Variants in ESRRG observed in about 807,000 individuals in gnomAD.
ESRRG encodes the protein estrogen related receptor gamma, also known as estrogen-related receptor gamma.
A neutral mutation model predicts 44.0 loss-of-function variants in ESRRG; 13 were observed. That is an observed-to-expected ratio of 0.30 (90% CI 0.19 to 0.47). The LOEUF (loss-of-function observed/expected upper bound fraction) is 0.47. Among genes scored for constraint, ESRRG ranks in the 20% least tolerant of loss-of-function variants. The pLI, the probability that ESRRG is intolerant of heterozygous loss-of-function variation, is 1.00. For missense variants in ESRRG, 395 were observed against 580.6 expected (o/e 0.68, Z 3.29); for synonymous variants, 215 against 214.6 (o/e 1.00, Z -0.02).
intron 1 of ESRRG, among the ~76,000 whole-genome samples, chr1:216,943,246 T>C (rs907624839): frequency 2.0e-5 from 3 of 152,152 alleles, no homozygotes; most frequent in Admixed American, 6.5e-5. Context: ...AAAACAAATA[T>C]AGATAACTAA....
chr1:216,729,754 A>T (rs2088332674), intron 2 of ESRRG, among the ~76,000 whole-genome samples: 1 of 152,076 alleles, frequency 6.6e-6, no homozygotes, highest in Non-Finnish European at 1.5e-5. Context: ...CCTTTAAGAC[A>T]CTTCTTCCAC....
chr1:217,065,269 G>A (rs1580311219), intron 1 of ESRRG, among the ~76,000 whole-genome samples: 1 of 152,194 alleles, frequency 6.6e-6, no homozygotes, highest in African/African-American at 2.4e-5. Context: ...GTCTAGCTAT[G>A]ACAAACTTAA....
intron 3 of ESRRG, among the ~76,000 whole-genome samples, chr1:216,636,472 C>A (rs750284515): frequency 7.2e-5 from 11 of 152,144 alleles, no homozygotes; most frequent in Non-Finnish European, 1.5e-4. Flanking sequence ...TCATTGTGAT[C>A]GAAAAGAGAC....
chr1:216,565,012 T>C (rs746101921), intron 4 of ESRRG, among the ~76,000 whole-genome samples: 54 of 152,220 alleles, frequency 3.5e-4, no homozygotes, highest in Non-Finnish European at 6.9e-4. Context: ...ACAGCTAATA[T>C]GTTTCCATAA....
chr1:217,055,347 G>C (rs966330921), intron 1 of ESRRG, among the ~76,000 whole-genome samples: 3 of 151,816 alleles, frequency 2.0e-5, no homozygotes, highest in East Asian at 3.9e-4. Context: ...AGGGGAGAGA[G>C]TCCAGTGGTG....
chr1:217,120,686 T>C (rs1283094662), intron 1 of ESRRG, among the ~76,000 whole-genome samples: 2 of 152,216 alleles, frequency 1.3e-5, no homozygotes, highest in African/African-American at 2.4e-5. Context: ...CCTCTTAATA[T>C]ATGATTTTTG....
chr1:217,085,133 C>G (rs2092001214), intron 1 of ESRRG, among the ~76,000 whole-genome samples: 1 of 103,414 alleles, frequency 9.7e-6, no homozygotes, highest in Non-Finnish European at 2.1e-5. Flanking sequence ...TGGTATCTAA[C>G]CTCCAAGAAA....
intron 5 of ESRRG, 104 bp from the exon 6 acceptor site, chr1:216,519,525 T>C: frequency 1.8e-6 from 2 of 1,112,446 alleles, no homozygotes; most frequent in Non-Finnish European, 2.5e-6. Flanking sequence ...CTCAAAATTA[T>C]GCTGAGCTTT....
chr1:216,625,438 A>T (rs1211982222), intron 3 of ESRRG, among the ~76,000 whole-genome samples: 2 of 151,722 alleles, frequency 1.3e-5, no homozygotes, highest in African/African-American at 2.4e-5. Context: ...AAAAAAAAAA[A>T]AATCTATATT....
chr1:217,095,606 C>T (rs946240400), intron 1 of ESRRG, among the ~76,000 whole-genome samples: 6 of 152,084 alleles, frequency 3.9e-5, no homozygotes, highest in Admixed American at 3.9e-4. Context: ...GCTTGGGCAA[C>T]TGAATTAAAA....
intron 2 of ESRRG, among the ~76,000 whole-genome samples, chr1:216,901,760 C>A (rs372118899): frequency 6.6e-6 from 1 of 150,518 alleles, no homozygotes; most frequent in African/African-American, 2.4e-5. Flanking sequence ...CCTACTGATA[C>A]TTCTTTTATT....
intron 1 of ESRRG, among the ~76,000 whole-genome samples, chr1:216,947,464 C>A (rs964195151): frequency 6.6e-6 from 1 of 152,184 alleles, no homozygotes; most frequent in Non-Finnish European, 1.5e-5. Flanking sequence ...TGCATGCTTA[C>A]TTCCTTCCCA....
intron 1 of ESRRG, chr1:216,685,997 C>T (rs2077872832): frequency 6.6e-6 from 1 of 152,176 alleles, no homozygotes; most frequent in African/African-American, 2.4e-5. Context: ...ATGAAAATTT[C>T]TGTGTTAGAT....
intron 2 of ESRRG, among the ~76,000 whole-genome samples, chr1:216,902,060 T>A (rs1358310480): frequency 6.6e-6 from 1 of 152,222 alleles, no homozygotes; most frequent in Non-Finnish European, 1.5e-5. Context: ...TACTTCCTTT[T>A]TATATCTGAA....
At chr1:217,078,738 C>A (rs1448492868) in intron 1 of ESRRG, among the ~76,000 whole-genome samples, 1 of 152,110 alleles carries the variant, frequency 6.6e-6, no homozygotes, top group East Asian at 1.9e-4. Flanking sequence ...AATGCATTTC[C>A]CTCTGCTTCT....
chr1:216,814,751 C>T (rs769425550), intron 2 of ESRRG, among the ~76,000 whole-genome samples: 5 of 152,062 alleles, frequency 3.3e-5, no homozygotes, highest in African/African-American at 4.8e-5. Context: ...GCTCAGAGCC[C>T]GTTTAAATGT....
intron 2 of ESRRG, among the ~76,000 whole-genome samples, chr1:216,860,492 C>A (rs1261514600): frequency 6.6e-6 from 1 of 151,892 alleles, no homozygotes; most frequent in Non-Finnish European, 1.5e-5. Context: ...AGTATAAAAT[C>A]TTAAAAGTAG....
intron 1 of ESRRG, among the ~76,000 whole-genome samples, chr1:216,978,209 C>T (rs2073316610): frequency 6.6e-6 from 1 of 152,126 alleles, no homozygotes; most frequent in African/African-American, 2.4e-5. Flanking sequence ...CCCCCAACTC[C>T]CACCCTCCAA....
intron 5 of ESRRG, among the ~76,000 whole-genome samples, chr1:216,529,678 C>T (rs914954124): frequency 3.0e-4 from 46 of 152,170 alleles, no homozygotes; most frequent in African/African-American, 9.9e-4. Context: ...CTATTTCTAA[C>T]TCAAAAATAT....
Sources: gnomAD v4.1 joint callset for allele counts (sites outside exome capture counted in the v4.1 genomes callset) on GRCh38, gnomAD v4.1.1 for gene constraint, MANE v1.5 for transcripts, NCBI Gene and HGNC (gene_info 2026-07-23, HGNC 2026-07-21) for gene names.